Variants in POU6F2 observed in about 807,000 individuals in gnomAD.
POU6F2 encodes POU class 6 homeobox 2, also known as POU domain, class 6, transcription factor 2.
Under a neutral mutation model 71.3 loss-of-function variants are expected in POU6F2, and 31 were observed. The observed-to-expected ratio is 0.43, with a 90% CI of 0.33 to 0.59. The LOEUF (loss-of-function observed/expected upper bound fraction) is 0.59. Among genes scored for constraint, POU6F2 ranks in the 20% least tolerant of loss-of-function variants. The pLI, the probability that POU6F2 is intolerant of heterozygous loss-of-function variation, is 0.04. For synonymous variants in POU6F2, 347 were observed against 355.7 expected, an observed-to-expected ratio of 0.98 and a Z score of 0.27; for missense variants, 783 against 856.8, an observed-to-expected ratio of 0.91 and a Z score of 1.07.
At chr7:39,200,240 T>C (rs1190174785) in intron 2 of POU6F2, among the ~76,000 whole-genome samples, 1 of 152,228 alleles carries the variant, frequency 6.6e-6, no homozygotes, top group Non-Finnish European at 1.5e-5. Context: ...GCTGGCTCCC[T>C]GTGGTCTTCA....
chr7:39,144,511 C>T (rs1020859710), intron 2 of POU6F2, among the ~76,000 whole-genome samples: 8 of 152,128 alleles, frequency 5.3e-5, no homozygotes, highest in African/African-American at 1.9e-4. Context: ...TATTAATCCC[C>T]TAAGTGTCTC....
chr7:39,407,984 T>C (rs1366346259), intron 6 of POU6F2, among the ~76,000 whole-genome samples: 1 of 152,246 alleles, frequency 6.6e-6, no homozygotes, highest in African/African-American at 2.4e-5. Flanking sequence ...AACCTTTCAA[T>C]GTCTGCTTTA....
intron 1 of POU6F2, among the ~76,000 whole-genome samples, chr7:39,008,688 T>C (rs1414301352): frequency 6.7e-6 from 1 of 150,272 alleles, no homozygotes; most frequent in Non-Finnish European, 1.5e-5. Context: ...CCATCTTGAA[T>C]TGATTTTTGT....
intron 1 of POU6F2, among the ~76,000 whole-genome samples, chr7:38,981,208 T>C (rs1343236095): frequency 1.3e-5 from 2 of 152,234 alleles, no homozygotes; most frequent in African/African-American, 4.8e-5. Context: ...ATCGTTGGTT[T>C]GATTATCATT....
chr7:39,409,780 A>T (rs1787514701), intron 6 of POU6F2, among the ~76,000 whole-genome samples: 1 of 152,160 alleles, frequency 6.6e-6, no homozygotes, highest in Non-Finnish European at 1.5e-5. Context: ...CCCTCCTGGG[A>T]CTTGGCAGTT....
rs770152084 is a variant in POU6F2 at position 39,207,582 on chromosome 7, C to T, written c.560C>T (p.Ala187Val). 1 of 1,613,974 alleles carries T rather than the reference C, an allele frequency of 6.2e-7. No individual in the cohort carries two copies. The change falls in exon 4 of 10, where the codon GCC becomes GTC. Residue 187 changes from alanine (A) to valine (V), a missense_variant. By Grantham distance (64) the Ala-to-Val change is moderately conservative (BLOSUM62 0). Around this residue, in one of 2 missense-constraint regions of POU6F2, gnomAD observed 572 missense variants for 572.9 expected, o/e 1.00. Transcript: ENST00000518318. ...NIQGLVAAAA[A>V]GGIMTLPLQN... ...CAAGGGCTGGTGGCAGCAGCTGCAG[C>T]CGGAGGCATTATGACTCTGCCACTG...
At chr7:39,444,186 A>AT (rs1219856864) in intron 7 of POU6F2, among the ~76,000 whole-genome samples, 2 of 133,072 alleles carry the variant, frequency 1.5e-5, no homozygotes, top group African/African-American at 6.2e-5. Flanking sequence ...TGTAAACAGT[A>AT]TTTTTTTAAA....
intron 1 of POU6F2, among the ~76,000 whole-genome samples, chr7:39,004,781 T>G (rs1789011267): frequency 6.6e-6 from 1 of 152,162 alleles, no homozygotes; most frequent in African/African-American, 2.4e-5. Context: ...GGGCTGCCAA[T>G]TATTGGTCCA....
intron 2 of POU6F2, among the ~76,000 whole-genome samples, chr7:39,176,235 T>G (rs544297149): frequency 1.3e-5 from 2 of 152,170 alleles, no homozygotes; most frequent in African/African-American, 2.4e-5. Context: ...CATTTCAAGA[T>G]TCAGGTGATG....
rs1390008547 is a variant in POU6F2 at position 39,358,164 on chromosome 7, AT to A, written c.972+18155del. Among the ~76,000 whole-genome samples the A allele has an allele frequency of 8.8e-4, 134 of 152,328 alleles. 1 individual carries two copies. The highest frequency in any genetic ancestry group is 1.9e-3 in the East Asian group (10 of 5,190). On this transcript the variant is annotated intron_variant, in intron 5 of 9. Coordinates refer to ENST00000518318, the MANE Select transcript of POU6F2 (RefSeq NM_001370959.1). ...ATGATACGAAAGAATTATTTTTAAT[AT>A]TTTTTGGTGTGATAGTGATAGGTAG...
At chr7:39,378,507 A>C (rs1786755559) in intron 5 of POU6F2, among the ~76,000 whole-genome samples, 1 of 152,204 alleles carries the variant, frequency 6.6e-6, no homozygotes, top group African/African-American at 2.4e-5. Context: ...TGTGGAATGG[A>C]AGAGCGTGAA....
rs548360994 is a variant in POU6F2, at chr7:39,298,963, A to T, written c.599-40679A>T. 3.9e-5 allele frequency among the ~76,000 whole-genome samples: 6 copies of T among 152,260 alleles called. No individual in the cohort carries two copies. In the South Asian group the frequency reaches 6.2e-4, roughly 16 times the overall value. On this transcript the variant is annotated intron_variant, in intron 4 of 9. Coordinates refer to ENST00000518318, the MANE Select transcript of POU6F2 (RefSeq NM_001370959.1). ...TAAGTGGGAGTTGAACAATGAGAAC[A>T]CACGGACACAGGGAGGGGAACAACA...
intron 1 of POU6F2, among the ~76,000 whole-genome samples, chr7:39,016,024 T>A (rs990020927): frequency 1.7e-5 from 1 of 60,018 alleles, no homozygotes; most frequent in Non-Finnish European, 3.1e-5. Context: ...TTATATATAT[T>A]ATATATAGAT....
At chr7:39,212,900 T>C (rs1794172060) in intron 4 of POU6F2, among the ~76,000 whole-genome samples, 1 of 152,182 alleles carries the variant, frequency 6.6e-6, no homozygotes, top group Non-Finnish European at 1.5e-5. Context: ...TTTGCTTTTT[T>C]GAAACATAGG....
intron 2 of POU6F2, among the ~76,000 whole-genome samples, chr7:39,194,527 G>GCAATCAGCACTCTGTAAAGTGGAC (rs1793739647): frequency 6.6e-6 from 1 of 150,432 alleles, no homozygotes; most frequent in Admixed American, 6.6e-5. Flanking sequence ...TAAAAACGGA[G>GCAATCAGCACTCTGTAAAGTGGAC]CAATCAGCAC....
intron 2 of POU6F2, among the ~76,000 whole-genome samples, chr7:39,190,898 G>T (rs1793650961): frequency 2.0e-5 from 3 of 151,928 alleles, no homozygotes; most frequent in African/African-American, 7.3e-5. Flanking sequence ...AGCTCCCAAA[G>T]TGCTGGGATT....
intron 2 of POU6F2, among the ~76,000 whole-genome samples, chr7:39,169,407 C>T (rs929814956): frequency 3.9e-5 from 6 of 152,286 alleles, no homozygotes; most frequent in African/African-American, 9.6e-5. Flanking sequence ...AACTGCAACA[C>T]GCCCATAAAG....
At chr7:38,981,840 A>T (rs1788323345) in intron 1 of POU6F2, among the ~76,000 whole-genome samples, 1 of 152,196 alleles carries the variant, frequency 6.6e-6, no homozygotes, top group South Asian at 2.1e-4. Context: ...AGTGCTCAGT[A>T]TGTGTGCATG....
chr7:39,305,404 T>A (rs1378662086), intron 4 of POU6F2, among the ~76,000 whole-genome samples: 1 of 152,256 alleles, frequency 6.6e-6, no homozygotes. Flanking sequence ...CAAAAATGCC[T>A]TCTTATAACT....
Sources: gnomAD v4.1 joint callset for allele counts (sites outside exome capture counted in the v4.1 genomes callset) on GRCh38, gnomAD v4.1.1 for gene constraint, gnomAD v4.1.1 regional missense constraint, MANE v1.5 for transcripts, NCBI Gene and HGNC (gene_info 2026-07-23, HGNC 2026-07-21) for gene names.